KHDRBS2: variants seen among roughly 807,000 people sequenced by gnomAD.
KHDRBS2 encodes KH domain-containing, RNA-binding, signal transduction-associated protein 2.
A neutral mutation model predicts 44.3 loss-of-function variants in KHDRBS2; 26 were observed. The ratio of observed to expected loss-of-function variants is 0.59; its 90% confidence interval spans 0.43 to 0.81. The LOEUF (loss-of-function observed/expected upper bound fraction) is 0.81. Ranked by LOEUF, KHDRBS2 falls within the 40% of genes least tolerant of loss-of-function variation. The pLI, the probability that KHDRBS2 is intolerant of heterozygous loss-of-function variation, is 0.00. For synonymous variants in KHDRBS2, 194 were observed against 151.1 expected (o/e 1.28, Z -2.08); for missense variants, 476 against 433.1 (o/e 1.10, Z -0.88).
rs1232956235 is a variant in KHDRBS2 at position 61,823,630 on chromosome 6, A to G, written c.810+71005T>C. Among the ~76,000 whole-genome samples, 5 of 152,230 alleles carry G rather than the reference A, an allele frequency of 3.3e-5. No homozygotes were observed. In the East Asian group the frequency reaches 9.7e-4, roughly 29 times the overall value. ...TTATGATTATCCTCATCAGTGAGGT[A>G]ATTGCTTCAAAATGGTTTTCCATTA... On this transcript the variant is annotated intron_variant, in intron 6 of 8. Coordinates refer to ENST00000281156, the MANE Select transcript of KHDRBS2 (RefSeq NM_152688.4).
At chr6:62,237,105 T>C (rs932848840) in intron 1 of KHDRBS2, among the ~76,000 whole-genome samples, 13 of 152,184 alleles carry the variant, frequency 8.5e-5, no homozygotes, top group Non-Finnish European at 1.8e-4. Flanking sequence ...GTTTTCCAGA[T>C]TGCCATTGCG....
intron 1 of KHDRBS2, among the ~76,000 whole-genome samples, chr6:62,207,342 C>T (rs1397141289): frequency 1.3e-5 from 2 of 152,044 alleles, no homozygotes; most frequent in Non-Finnish European, 2.9e-5. Context: ...TTATCAATGT[C>T]TGCTTTATCC....
At chr6:61,634,076 C>T in the KHDRBS2 span, among the ~76,000 whole-genome samples, 1 of 151,972 alleles carries the variant, frequency 6.6e-6, no homozygotes, top group African/African-American at 2.4e-5. Flanking sequence ...TGCTTTAAGT[C>T]TAAGTCAGAG....
intron 6 of KHDRBS2, among the ~76,000 whole-genome samples, chr6:61,756,743 T>C (rs1433118125): frequency 6.6e-6 from 1 of 152,232 alleles, no homozygotes; most frequent in African/African-American, 2.4e-5. Context: ...CAATTTGACA[T>C]AGGTGCAAAC....
At chr6:62,273,585 T>C (rs959884465) in intron 1 of KHDRBS2, among the ~76,000 whole-genome samples, 15 of 152,170 alleles carry the variant, frequency 9.9e-5, no homozygotes, top group African/African-American at 3.4e-4. Context: ...ATACTGTTAT[T>C]CCTCAGAGTT....
At position 61,949,758 on chromosome 6, in the gene KHDRBS2, C is replaced by A. The variant is rs546527310; in HGVS notation, c.483+28308G>T. Among the ~76,000 whole-genome samples, 6 of 151,896 alleles carry A rather than the reference C, an allele frequency of 4.0e-5. No individual in the cohort carries two copies. In the South Asian group the frequency reaches 1.2e-3, roughly 32 times the overall value. ...TGGACAAAATTTTAAAAGAATAATG[C>A]ATATCAACAGCAATTTATTTATATT... On this transcript the variant is annotated intron_variant, in intron 4 of 8. Transcript: ENST00000281156.
chr6:61,722,095 G>A (rs1772697048), intron 7 of KHDRBS2, among the ~76,000 whole-genome samples: 3 of 152,252 alleles, frequency 2.0e-5, no homozygotes, highest in Admixed American at 2.0e-4. Flanking sequence ...TGATTTGCGT[G>A]TGTTGAACCA....
At chr6:62,222,840 C>T (rs966813500) in intron 1 of KHDRBS2, among the ~76,000 whole-genome samples, 2 of 152,222 alleles carry the variant, frequency 1.3e-5, no homozygotes, top group Non-Finnish European at 2.9e-5. Context: ...CACGCTGAAG[C>T]AAGAGGTGAG....
intron 3 of KHDRBS2, among the ~76,000 whole-genome samples, chr6:62,018,179 G>A (rs751713775): frequency 2.0e-5 from 3 of 147,664 alleles, no homozygotes; most frequent in Middle Eastern, 3.6e-3. Context: ...GTCTTGCTCC[G>A]TCTCAAAATA....
intron 1 of KHDRBS2, among the ~76,000 whole-genome samples, chr6:62,228,132 A>G (rs176623): frequency 0.55 from 84,131 of 152,004 alleles, 23,527 homozygotes; most frequent in Middle Eastern, 0.65. Context: ...GGTAGAATTC[A>G]GCTGTGTATC....
chr6:61,545,028 T>C, the KHDRBS2 span, among the ~76,000 whole-genome samples: 4 of 152,070 alleles, frequency 2.6e-5, no homozygotes, highest in Middle Eastern at 0.01. Context: ...CATGTATACA[T>C]ATATAACAAA....
At chr6:62,029,552 C>A (rs1442173110) in intron 3 of KHDRBS2, among the ~76,000 whole-genome samples, 1 of 151,816 alleles carries the variant, frequency 6.6e-6, no homozygotes, top group Non-Finnish European at 1.5e-5. Context: ...AATTCCTGTG[C>A]AATAGGCCAC....
At chr6:61,625,813 G>T in the KHDRBS2 span, among the ~76,000 whole-genome samples, 1 of 152,118 alleles carries the variant, frequency 6.6e-6, no homozygotes, top group Admixed American at 6.6e-5. Context: ...ATTCAAACGG[G>T]CACATCAGAT....
intron 6 of KHDRBS2, among the ~76,000 whole-genome samples, chr6:61,808,984 CTATT>C (rs1390010999): frequency 6.6e-6 from 1 of 151,674 alleles, no homozygotes; most frequent in East Asian, 1.9e-4. Context: ...AACGCAATAT[CTATT>C]TCTTTATTTC....
At chr6:62,198,166 C>T (rs1275759106) in intron 1 of KHDRBS2, among the ~76,000 whole-genome samples, 1 of 151,994 alleles carries the variant, frequency 6.6e-6, no homozygotes, top group Middle Eastern at 3.2e-3. Context: ...CCTAACATCA[C>T]AATTAAAAGA....
chr6:61,971,529 C>G (rs1771416255), intron 4 of KHDRBS2, among the ~76,000 whole-genome samples: 1 of 152,044 alleles, frequency 6.6e-6, no homozygotes, highest in African/African-American at 2.4e-5. Context: ...ATATGCTATA[C>G]TCTGGAGGTG....
the KHDRBS2 span, among the ~76,000 whole-genome samples, chr6:61,673,920 A>G: frequency 6.6e-6 from 1 of 151,104 alleles, no homozygotes; most frequent in East Asian, 2.0e-4. Flanking sequence ...ATTGGAAAAA[A>G]CTACTTTAAA....
chr6:62,014,221 G>C (rs191613250), intron 3 of KHDRBS2, among the ~76,000 whole-genome samples: 5 of 152,050 alleles, frequency 3.3e-5, no homozygotes, highest in Non-Finnish European at 7.4e-5. Flanking sequence ...AATTTTTTCA[G>C]TCTACAATAT....
chr6:61,801,137 T>C (rs1786187707), intron 6 of KHDRBS2, among the ~76,000 whole-genome samples: 1 of 152,222 alleles, frequency 6.6e-6, no homozygotes, highest in Non-Finnish European at 1.5e-5. Flanking sequence ...TAGTTTTCAT[T>C]CTTTGCTTTA....
Sources: gnomAD v4.1 joint callset for allele counts (sites outside exome capture counted in the v4.1 genomes callset) on GRCh38, gnomAD v4.1.1 for gene constraint, MANE v1.5 for transcripts, NCBI Gene and HGNC (gene_info 2026-07-23, HGNC 2026-07-21) for gene names.